The following AMPH variants were observed in gnomAD, a reference collection of about 807,000 sequenced individuals.
The protein encoded by AMPH is amphiphysin (Stiff-Mann syndrome with breast cancer 128kD autoantigen).
In AMPH, 49 loss-of-function variants were observed where a neutral mutation model predicts 99.1. The observed-to-expected ratio is 0.49, with a 90% CI of 0.39 to 0.63. The LOEUF is 0.63. AMPH is among the 20% of genes least tolerant of loss of function. AMPH has a pLI of 0.00. For synonymous variants in AMPH, 314 were observed against 317.3 expected, an observed-to-expected ratio of 0.99 and a Z score of 0.11; for missense variants, 759 against 863.4, an observed-to-expected ratio of 0.88 and a Z score of 1.52.
At chr7:38,461,252 T>C (rs926040995) in intron 11 of AMPH, 31 bp downstream of exon 11, 39 of 1,611,788 alleles carry the variant, frequency 2.4e-5, no homozygotes, top group Non-Finnish European at 3.2e-5. Flanking sequence ...GGGACTTTCA[T>C]GGACATACCA....
At chr7:38,409,906 G>A (rs776296124) in intron 17 of AMPH, among the ~76,000 whole-genome samples, 10 of 152,254 alleles carry the variant, frequency 6.6e-5, no homozygotes, top group Middle Eastern at 3.4e-3. Flanking sequence ...TGATTTATCC[G>A]CAACGCATAG....
intron 17 of AMPH, among the ~76,000 whole-genome samples, chr7:38,395,030 A>G (rs77758346): frequency 0.058 from 8,839 of 152,258 alleles, 358 homozygotes; most frequent in East Asian, 0.19. Context: ...CTCCATGACT[A>G]AGACGTGCCT....
intron 1 of AMPH, among the ~76,000 whole-genome samples, chr7:38,584,627 C>G (rs1248099837): frequency 6.6e-6 from 1 of 152,178 alleles, no homozygotes; most frequent in Non-Finnish European, 1.5e-5. Flanking sequence ...GATCATGAAT[C>G]ACGTCATGTG....
chr7:38,479,737 C>T (rs1272451824), intron 5 of AMPH, among the ~76,000 whole-genome samples: 1 of 149,292 alleles, frequency 6.7e-6, no homozygotes, highest in African/African-American at 2.4e-5. Flanking sequence ...TATAAGGCAG[C>T]AACTAAGAAA....
At chr7:38,625,460 A>T (rs1794211273) in intron 1 of AMPH, among the ~76,000 whole-genome samples, 1 of 152,234 alleles carries the variant, frequency 6.6e-6, no homozygotes, top group South Asian at 2.1e-4. Context: ...GAAAAACTTA[A>T]TCCTCACATA....
intron 1 of AMPH, among the ~76,000 whole-genome samples, chr7:38,624,255 G>A (rs1794166180): frequency 6.6e-6 from 1 of 151,846 alleles, no homozygotes; most frequent in Admixed American, 6.6e-5. Flanking sequence ...AAGATGTAAT[G>A]CATGAAAAAA....
chr7:38,597,362 G>A (rs1793096370), intron 1 of AMPH, among the ~76,000 whole-genome samples: 1 of 152,054 alleles, frequency 6.6e-6, no homozygotes, highest in South Asian at 2.1e-4. Context: ...AGAGGAACAG[G>A]AAAAGGGTTA....
intron 1 of AMPH, among the ~76,000 whole-genome samples, chr7:38,573,333 CTT>C (rs1792118356): frequency 1.3e-5 from 2 of 151,328 alleles, no homozygotes; most frequent in African/African-American, 4.9e-5. Flanking sequence ...TGTAAACTGA[CTT>C]AAACAGTTTA....
In AMPH at chr7:38,465,567, A is replaced by G; in HGVS notation, c.667-18T>C. ...TGGCAAAGCTAAGGGGACAGAGGCCACTTGTCTATTAGTCACATGTCATTC... is the reference window on the plus strand; with the variant it reads ...TGGCAAAGCTAAGGGGACAGAGGCCGCTTGTCTATTAGTCACATGTCATTC... On this transcript the variant is annotated intron_variant, in intron 8 of 20. Coordinates refer to ENST00000356264, the MANE Select transcript of AMPH (RefSeq NM_001635.4). The G allele has an allele frequency of 6.4e-7, 1 of 1,563,100 alleles. No individual in the cohort carries two copies. Among genetic ancestry groups the G allele is most frequent in the South Asian group, 1.2e-5 (1 of 85,230 alleles).
chr7:38,531,616 C>A (rs1480762986), intron 2 of AMPH, among the ~76,000 whole-genome samples: 1 of 152,152 alleles, frequency 6.6e-6, no homozygotes, highest in African/African-American at 2.4e-5. Flanking sequence ...CTATAAGGAT[C>A]TTATGATTTT....
intron 11 of AMPH, among the ~76,000 whole-genome samples, chr7:38,455,911 T>C (rs1029154939): frequency 2.6e-5 from 4 of 152,316 alleles, no homozygotes; most frequent in Non-Finnish European, 5.9e-5. Flanking sequence ...CGCACTTTCA[T>C]GTACTGCTAG....
At chr7:38,520,942 G>A (rs963153687) in intron 2 of AMPH, among the ~76,000 whole-genome samples, 5 of 152,100 alleles carry the variant, frequency 3.3e-5, no homozygotes, top group Admixed American at 6.6e-5. Context: ...CCTCCTTAAC[G>A]GGATCCCTAA....
At chr7:38,510,676 T>A (rs1310769606) in intron 2 of AMPH, among the ~76,000 whole-genome samples, 1 of 152,130 alleles carries the variant, frequency 6.6e-6, no homozygotes, top group Non-Finnish European at 1.5e-5. Flanking sequence ...CAGGCTGAGT[T>A]ATTTTAGCCG....
chr7:38,492,749 C>T (rs1788772525), intron 4 of AMPH, among the ~76,000 whole-genome samples: 1 of 152,050 alleles, frequency 6.6e-6, no homozygotes, highest in Non-Finnish European at 1.5e-5. Context: ...ACAGTCATTT[C>T]CTTTAAAAAA....
chr7:38,570,518 T>C (rs1280449653), intron 1 of AMPH, among the ~76,000 whole-genome samples: 1 of 152,144 alleles, frequency 6.6e-6, no homozygotes, highest in African/African-American at 2.4e-5. Flanking sequence ...AGCGATATCA[T>C]GGCACAATGC....
chr7:38,613,632 T>C (rs1449096065), intron 1 of AMPH, among the ~76,000 whole-genome samples: 1 of 152,210 alleles, frequency 6.6e-6, no homozygotes, highest in East Asian at 1.9e-4. Context: ...TTCCACAGTA[T>C]GCAGCCTCAG....
At chr7:38,521,884 G>A (rs895132695) in intron 2 of AMPH, among the ~76,000 whole-genome samples, 30 of 152,110 alleles carry the variant, frequency 2.0e-4, no homozygotes, top group African/African-American at 7.0e-4. Flanking sequence ...CGCTTCCCAT[G>A]TACACTCTTT....
chr7:38,449,551 T>C (rs975726392), intron 11 of AMPH, among the ~76,000 whole-genome samples: 1 of 152,226 alleles, frequency 6.6e-6, no homozygotes, highest in African/African-American at 2.4e-5. Flanking sequence ...TGAAGCCTAA[T>C]GACCCAATGA....
chr7:38,558,751 C>G (rs185280488), intron 1 of AMPH, among the ~76,000 whole-genome samples: 296 of 152,286 alleles, frequency 1.9e-3, no homozygotes, highest in Non-Finnish European at 3.3e-3. Flanking sequence ...CAGCATTTGT[C>G]CTGAGACACA....
Sources: gnomAD v4.1 joint callset for allele counts (sites outside exome capture counted in the v4.1 genomes callset) on GRCh38, gnomAD v4.1.1 for gene constraint, MANE v1.5 for transcripts, NCBI Gene and HGNC (gene_info 2026-07-23, HGNC 2026-07-21) for gene names.